SDK1: variants seen among roughly 807,000 people sequenced by gnomAD.
SDK1 encodes protein sidekick-1.
Under a neutral mutation model 245.5 loss-of-function variants are expected in SDK1, and 157 were observed. The observed-to-expected ratio is 0.64, with a 90% confidence interval of 0.56 to 0.73. The LOEUF is 0.73. Among genes scored for constraint, SDK1 ranks in the 30% least tolerant of loss-of-function variants. The pLI is 0.00. For synonymous variants in SDK1, 1,647 were observed against 1,278.5 expected, an observed-to-expected ratio of 1.29 and a Z score of -6.15; for missense variants, 3,583 against 3,002.3, an observed-to-expected ratio of 1.19 and a Z score of -4.52.
At chr7:3,488,768 C>G (rs555730629) in intron 1 of SDK1, among the ~76,000 whole-genome samples, 5 of 152,296 alleles carry the variant, frequency 3.3e-5, no homozygotes, top group East Asian at 1.9e-4. Context: ...AACCTACATT[C>G]AATTCTTCCC....
At chr7:3,604,092 T>G (rs910827591) in intron 1 of SDK1, among the ~76,000 whole-genome samples, 1 of 152,218 alleles carries the variant, frequency 6.6e-6, no homozygotes, top group Non-Finnish European at 1.5e-5. Context: ...TGCCAGTATT[T>G]TATTGAGGAT....
chr7:3,450,912 A>T (rs1402685298), intron 1 of SDK1, among the ~76,000 whole-genome samples: 2 of 152,132 alleles, frequency 1.3e-5, no homozygotes, highest in Non-Finnish European at 1.5e-5. Flanking sequence ...ATAGGAAGAG[A>T]GGAGTTTTGC....
intron 1 of SDK1, among the ~76,000 whole-genome samples, chr7:3,553,088 G>A (rs1290042576): frequency 6.6e-6 from 1 of 151,942 alleles, no homozygotes; most frequent in Non-Finnish European, 1.5e-5. Flanking sequence ...ATAATTATTT[G>A]ATGGATTTCT....
rs562117405 is a variant in SDK1, at chr7:4,011,907, A to G, written c.2280-188A>G. Among the ~76,000 whole-genome samples the G allele has an allele frequency of 2.4e-4, 37 of 152,164 alleles. No homozygotes were observed. In the South Asian group the frequency reaches 2.9e-3, roughly 12 times the overall value. On this transcript the variant is annotated intron_variant, in intron 15 of 44. Coordinates refer to ENST00000404826, the MANE Select transcript of SDK1 (RefSeq NM_152744.4). The stretch of plus-strand genomic sequence containing the variant: ...TCGTTGCTTGGTTAACTGATTTTCT[A>G]TTATGTTGATTTGTGGTAACTGTTT...
At chr7:3,850,871 G>C (rs868538138) in intron 5 of SDK1, among the ~76,000 whole-genome samples, 1 of 150,488 alleles carries the variant, frequency 6.6e-6, no homozygotes, top group Non-Finnish European at 1.5e-5. Flanking sequence ...GGTAGGGGGA[G>C]GGGGGAGGGA....
intron 4 of SDK1, among the ~76,000 whole-genome samples, chr7:3,785,888 T>A (rs925959453): frequency 2.6e-5 from 4 of 152,214 alleles, no homozygotes; most frequent in Non-Finnish European, 5.9e-5. Flanking sequence ...TTTTTTCCCC[T>A]ATGCAAAATA....
chr7:3,350,332 C>T (rs147747542), intron 1 of SDK1, among the ~76,000 whole-genome samples: 44 of 152,214 alleles, frequency 2.9e-4, no homozygotes, highest in African/African-American at 1.0e-3. Context: ...AGGCATATTC[C>T]CACAGTGGAA....
chr7:3,753,586 C>G (rs114069103), intron 4 of SDK1, among the ~76,000 whole-genome samples: 1 of 152,212 alleles, frequency 6.6e-6, no homozygotes, highest in African/African-American at 2.4e-5. Flanking sequence ...ATTCCTCCCT[C>G]GAAGTCTGGG....
rs576863135 is a variant in SDK1 at position 3,571,744 on chromosome 7, C to T, written c.299-47336C>T. Among the ~76,000 whole-genome samples, 209 of 152,196 alleles carry T rather than the reference C, an allele frequency of 1.4e-3. 1 individual carries two copies. Among genetic ancestry groups the T allele is most frequent in the Non-Finnish European group, 1.8e-3 (121 of 67,986 alleles). ...TGAGGAGCTCAATGAATATAACATT[C>T]TTGGTAATCAGAGAATGGGATTAAA... On this transcript the variant is annotated intron_variant, in intron 1 of 44. Coordinates refer to ENST00000404826, the MANE Select transcript of SDK1 (RefSeq NM_152744.4).
At chr7:3,934,833 T>C (rs931155788) in intron 5 of SDK1, among the ~76,000 whole-genome samples, 3 of 151,924 alleles carry the variant, frequency 2.0e-5, no homozygotes, top group African/African-American at 7.3e-5. Context: ...AGTAGAGGAG[T>C]GTGCAAAGGA....
chr7:3,436,510 G>C (rs1223383150), intron 1 of SDK1, among the ~76,000 whole-genome samples: 2 of 152,064 alleles, frequency 1.3e-5, no homozygotes, highest in Non-Finnish European at 2.9e-5. Flanking sequence ...CTGTATGCAA[G>C]GAGTTTTGCT....
At chr7:4,207,565 A>G (rs376209046) in intron 36 of SDK1, among the ~76,000 whole-genome samples, 4 of 152,164 alleles carry the variant, frequency 2.6e-5, no homozygotes, top group Admixed American at 6.5e-5. Flanking sequence ...TCTCCAAAGT[A>G]TATTGCCATA....
chr7:3,645,741 A>C (rs947433843), intron 4 of SDK1, among the ~76,000 whole-genome samples: 1 of 152,228 alleles, frequency 6.6e-6, no homozygotes, highest in African/African-American at 2.4e-5. Flanking sequence ...TGGTAGCACA[A>C]GTCAGATGGC....
At chr7:3,567,558 G>C (rs185576645) in intron 1 of SDK1, among the ~76,000 whole-genome samples, 1 of 152,222 alleles carries the variant, frequency 6.6e-6, no homozygotes, top group Non-Finnish European at 1.5e-5. Flanking sequence ...TGAGGTACAT[G>C]CTAGTCATTG....
At chr7:3,461,876 A>G (rs1237372351) in intron 1 of SDK1, among the ~76,000 whole-genome samples, 1 of 152,124 alleles carries the variant, frequency 6.6e-6, no homozygotes, top group African/African-American at 2.4e-5. Context: ...GGGAACATGT[A>G]CTATCAATTT....
At chr7:3,557,052 GGAAAA>G (rs759263095) in intron 1 of SDK1, among the ~76,000 whole-genome samples, 52 of 151,420 alleles carry the variant, frequency 3.4e-4, no homozygotes, top group Non-Finnish European at 6.5e-4. Flanking sequence ...CAAGAAATTA[GGAAAA>G]GAAGAGCAAA....
intron 21 of SDK1, among the ~76,000 whole-genome samples, chr7:4,077,394 C>T (rs762941279): frequency 1.3e-5 from 2 of 152,236 alleles, no homozygotes; most frequent in Non-Finnish European, 2.9e-5. Flanking sequence ...CCTCACGTCC[C>T]TTCTGTCTTC....
intron 1 of SDK1, among the ~76,000 whole-genome samples, chr7:3,376,198 G>A (rs866476297): frequency 6.6e-6 from 1 of 151,840 alleles, no homozygotes; most frequent in South Asian, 2.1e-4. Flanking sequence ...CCCTGCCTTG[G>A]GGGAAAAAAA....
intron 5 of SDK1, among the ~76,000 whole-genome samples, chr7:3,898,293 G>A (rs1169526587): frequency 1.3e-5 from 2 of 152,194 alleles, no homozygotes; most frequent in Admixed American, 6.5e-5. Context: ...TTTCCAACAG[G>A]TGCAAAGATT....
Sources: allele counts gnomAD v4.1 joint callset (sites outside exome capture counted in the v4.1 genomes callset), GRCh38; gene constraint gnomAD v4.1.1; transcripts MANE v1.5; gene names NCBI Gene and HGNC (gene_info 2026-07-23, HGNC 2026-07-21).